The following ALDH1L2 variants were observed in gnomAD, a reference collection of about 807,000 sequenced individuals.
ALDH1L2 encodes the protein mitochondrial 10-formyltetrahydrofolate dehydrogenase.
Under a neutral mutation model 111.0 loss-of-function variants are expected in ALDH1L2, and 91 were observed. The observed-to-expected ratio is 0.82, with a 90% CI of 0.69 to 0.98. The LOEUF (loss-of-function observed/expected upper bound fraction) is 0.98, where lower values mean the gene tolerates loss of function less well. ALDH1L2 is among the 50% of genes least tolerant of loss of function. The probability of loss-of-function intolerance (pLI) is 0.00; values close to 1 mark genes in which losing one functional copy is unlikely to be tolerated. For synonymous variants in ALDH1L2, 374 were observed against 392.6 expected (o/e 0.95, Z 0.56); for missense variants, 995 against 1,126.8 (o/e 0.88, Z 1.67).
intron 1 of ALDH1L2, among the ~76,000 whole-genome samples, chr12:105,081,029 A>C (rs1312884703): frequency 1.3e-5 from 2 of 152,254 alleles, no homozygotes. Flanking sequence ...AATTATTTAC[A>C]TAGCATCTAC....
At chr12:105,045,077 A>AGTTT (rs373433146) in intron 15 of ALDH1L2, among the ~76,000 whole-genome samples, 1,903 of 150,664 alleles carry the variant, frequency 0.013, 52 homozygotes, top group African/African-American at 0.044. Context: ...ACATGATTGA[A>AGTTT]GTTTGTTTGT....
chr12:105,049,653 A>G (rs986524276), intron 13 of ALDH1L2: 3 of 296,400 alleles, frequency 1.0e-5, no homozygotes, highest in Admixed American at 4.9e-5. Context: ...GCACCATCTT[A>G]AAACTAGAGG....
rs753787227 is a variant in ALDH1L2 at position 105,024,454 on chromosome 12, G to A, written c.2742C>T (p.Leu914=). 1.2e-6 allele frequency: 2 copies of A among 1,613,940 alleles called. No homozygotes were observed. The highest frequency in any genetic ancestry group is 1.1e-5 in the South Asian group (1 of 91,070). The change falls in exon 23 of 23, where the codon CTC becomes CTT. Residue 914 remains leucine, a synonymous_variant. Coordinates refer to ENST00000258494, the MANE Select transcript of ALDH1L2 (RefSeq NM_001034173.4). ...DLGEEALNEY[L]KTKTVTLEY Reference sequence around the variant, plus strand: ...ATTCCAGTGTCACCGTCTTGGTTTTGAGATATTCATTTAGAGCTTCCTCAC... The same window carrying A: ...ATTCCAGTGTCACCGTCTTGGTTTTAAGATATTCATTTAGAGCTTCCTCAC...
intron 1 of ALDH1L2, among the ~76,000 whole-genome samples, chr12:105,077,575 G>T (rs1020955546): frequency 6.6e-6 from 1 of 151,818 alleles, no homozygotes; most frequent in African/African-American, 2.4e-5. Context: ...CACCACGCCC[G>T]ACCTTGTTTC....
At position 105,039,894 on chromosome 12, in the gene ALDH1L2, G is replaced by T. The variant is rs1272425822; in HGVS notation, c.1952-88C>A. The T allele has an allele frequency of 3.7e-6, 4 of 1,086,142 alleles. No individual in the cohort carries two copies. The Admixed American group carries it at 5.3e-5, about 14-fold the overall frequency. The allele number at this position is 1,086,142 out of a possible 1,614,324, so 67.3% of individuals were successfully genotyped here. A position where few individuals can be genotyped will look rare whatever the true frequency, so the allele number is the denominator to read the frequency against. ...GCCTGTAATCCCCGCACTTTGGGAG[G>T]CTGAGGCAAGCAGATCACAAGGTCA... On this transcript the variant is annotated intron_variant, in intron 16 of 22. Coordinates refer to ENST00000258494, the MANE Select transcript of ALDH1L2 (RefSeq NM_001034173.4).
intron 13 of ALDH1L2, among the ~76,000 whole-genome samples, chr12:105,049,447 T>A: frequency 6.6e-6 from 1 of 152,172 alleles, no homozygotes; most frequent in Non-Finnish European, 1.5e-5. Flanking sequence ...AAAATGCATG[T>A]GCTGGAAACT....
At chr12:105,081,336 C>G (rs1378966772) in intron 1 of ALDH1L2, among the ~76,000 whole-genome samples, 2 of 152,172 alleles carry the variant, frequency 1.3e-5, no homozygotes, top group African/African-American at 4.8e-5. Context: ...ATCCTATGAA[C>G]AGATAAGACA....
chr12:105,035,071 C>G (rs1202765986), intron 18 of ALDH1L2, among the ~76,000 whole-genome samples: 2 of 152,114 alleles, frequency 1.3e-5, no homozygotes, highest in African/African-American at 4.8e-5. Context: ...TCTCTAGCCT[C>G]CCAAGTAGCT....
At chr12:105,026,812 A>G (rs966037775) in intron 21 of ALDH1L2, 68 bp from the exon 22 acceptor site, 3 of 1,572,850 alleles carry the variant, frequency 1.9e-6, no homozygotes, top group Non-Finnish European at 2.6e-6. Context: ...TGTTCTGAAA[A>G]TTTTCCCATC....
chr12:105,028,553 A>T (rs1486148635), intron 21 of ALDH1L2, among the ~76,000 whole-genome samples: 1 of 152,230 alleles, frequency 6.6e-6, no homozygotes, highest in African/African-American at 2.4e-5. Flanking sequence ...AGGCATCTTG[A>T]CTATCCAAAA....
Position 105,026,716 on chromosome 12 carries a change from T to C in ALDH1L2, c.2545A>G (p.Asn849Asp), listed in dbSNP as rs1301857453. 6.2e-7 allele frequency: 1 copy of C among 1,614,096 alleles called. No homozygotes were observed. Among genetic ancestry groups the C allele is most frequent in the Non-Finnish European group, 8.5e-7 (1 of 1,180,034 alleles). The change falls in exon 22 of 23, where the codon AAT (asparagine) becomes GAT (aspartate). Residue 849 changes from asparagine (N) to aspartate (D), a missense_variant. Asn to Asp is a conservative substitution (Grantham distance 23). Coordinates refer to ENST00000258494, the MANE Select transcript of ALDH1L2 (RefSeq NM_001034173.4). ...GDIDGVLQRA[N>D]STEYGLASGV... ...GAGGCCAAACCATACTCTGTACTAT[T>C]TGCTCGCTGCAACACTCCATCGATG...
intron 2 of ALDH1L2, among the ~76,000 whole-genome samples, chr12:105,073,601 T>G (rs184912023): frequency 1.9e-4 from 29 of 152,306 alleles, no homozygotes; most frequent in Admixed American, 1.9e-3. Flanking sequence ...CCACCCCAAA[T>G]CAAATCTATA....
At chr12:105,043,189 G>A (rs556623276) in intron 15 of ALDH1L2, among the ~76,000 whole-genome samples, 2 of 152,142 alleles carry the variant, frequency 1.3e-5, no homozygotes, top group Non-Finnish European at 2.9e-5. Flanking sequence ...GGGTGGCAGT[G>A]GTTCCTTCCC....
Position 105,049,056 on chromosome 12 carries a change from T to A in ALDH1L2, c.1686+852A>T, listed in dbSNP as rs182224568. Among the ~76,000 whole-genome samples the A allele has an allele frequency of 8.3e-4, 126 of 152,050 alleles. 1 individual carries two copies. The highest frequency in any genetic ancestry group is 2.3e-3 in the African/African-American group (96 of 41,478). On this transcript the variant is annotated intron_variant, in intron 13 of 22. Coordinates refer to ENST00000258494, the MANE Select transcript of ALDH1L2 (RefSeq NM_001034173.4). ...AAAGAAAGAAAAAAAAATTTTTTTTTAATTTATTTCTCCTAGGACACATAT... is the reference window on the plus strand; with the variant it reads ...AAAGAAAGAAAAAAAAATTTTTTTTAAATTTATTTCTCCTAGGACACATAT...
chr12:105,047,367 A>G (rs1027263674), intron 13 of ALDH1L2: 2 of 206,500 alleles, frequency 9.7e-6, no homozygotes, highest in African/African-American at 2.3e-5. Flanking sequence ...AGCACAAGGC[A>G]TTGGAAGGGG....
In ALDH1L2 at chr12:105,064,833, C is replaced by A. The variant is rs141766543; in HGVS notation, c.786+434G>T. Among the ~76,000 whole-genome samples the A allele has an allele frequency of 8.7e-3, 1,325 of 152,324 alleles. 5 individuals are homozygous for A. Among genetic ancestry groups the A allele is most frequent in the South Asian group, 0.039 (188 of 4,816 alleles). On this transcript the variant is annotated intron_variant, in intron 6 of 22. Transcript: ENST00000258494. ...TCTCCCCATGCCTGTCCTCACAGTT[C>A]AGACCCTGGCTTCACTGAACTCCTT...
rs1257430701 is a variant in ALDH1L2 at position 105,026,734 on chromosome 12, C to T, written c.2527G>A (p.Gly843Arg). 1 of 1,614,050 alleles carries T rather than the reference C, an allele frequency of 6.2e-7. No homozygotes were observed. Among genetic ancestry groups the T allele is most frequent in the South Asian group, 1.1e-5 (1 of 91,040 alleles). Residue 843 changes from glycine to arginine, a missense_variant, in exon 22 of 23, where the codon GGA (glycine) becomes AGA (arginine). Transcript: ENST00000258494. ...ISKFQNGDID[G>R]VLQRANSTEY... Reference sequence around the variant, plus strand: ...GTACTATTTGCTCGCTGCAACACTCCATCGATGTCCCTGTGTTTTTAGGAA... The same window carrying T: ...GTACTATTTGCTCGCTGCAACACTCTATCGATGTCCCTGTGTTTTTAGGAA...
chr12:105,061,744 C>T lies in ALDH1L2; in HGVS notation c.930G>A (p.Val310=), dbSNP rs769961936. The T allele has an allele frequency of 1.9e-6, 3 of 1,614,112 alleles. No homozygotes were observed. Among genetic ancestry groups the T allele is most frequent in the Non-Finnish European group, 2.5e-6 (3 of 1,180,022 alleles). ...LFGNDGKALT[V]RNLQFEDGKM... ...TTCCATCTTCAAACTGCAGATTTCT[C>T]ACCGTCAGCTACAAAATAGCAACAA... Residue 310 remains valine, a synonymous_variant, in exon 8 of 23, where the codon GTG becomes GTA. Coordinates refer to ENST00000258494, the MANE Select transcript of ALDH1L2 (RefSeq NM_001034173.4).
At chr12:105,056,505 T>C (rs1876638448) in intron 10 of ALDH1L2, among the ~76,000 whole-genome samples, 1 of 151,950 alleles carries the variant, frequency 6.6e-6, no homozygotes, top group South Asian at 2.1e-4. Context: ...CAGGTAAATA[T>C]AAACATTGGT....
Sources: gnomAD v4.1 joint callset for allele counts (sites outside exome capture counted in the v4.1 genomes callset) on GRCh38, gnomAD v4.1.1 for gene constraint, MANE v1.5 for transcripts, NCBI Gene and HGNC (gene_info 2026-07-23, HGNC 2026-07-21) for gene names.